The following USP25 variants were observed in gnomAD, a reference collection of about 807,000 sequenced individuals.
The protein encoded by USP25 is ubiquitin carboxyl-terminal hydrolase 25.
A neutral mutation model predicts 158.5 loss-of-function variants in USP25; 85 were observed. The ratio of observed to expected loss-of-function variants is 0.54; its 90% CI spans 0.45 to 0.64. The LOEUF is 0.64. Ranked by LOEUF, USP25 falls within the 30% of genes least tolerant of loss-of-function variation. The pLI is 0.00. For synonymous variants in USP25, 464 were observed against 460.4 expected (o/e 1.01, Z -0.10); for missense variants, 1,242 against 1,327.3 (o/e 0.94, Z 1.00).
chr21:15,777,503 T>G (rs1600877400), intron 3 of USP25, among the ~76,000 whole-genome samples: 1 of 152,280 alleles, frequency 6.6e-6, no homozygotes, highest in African/African-American at 2.4e-5. Flanking sequence ...ATGGTAGTAG[T>G]ATGGACAGAA....
At chr21:15,823,316 A>G (rs1297680333) in intron 10 of USP25, among the ~76,000 whole-genome samples, 1 of 151,660 alleles carries the variant, frequency 6.6e-6, no homozygotes, top group Non-Finnish European at 1.5e-5. Context: ...GTTGAATTTC[A>G]TGCTTAATTG....
intron 3 of USP25, among the ~76,000 whole-genome samples, chr21:15,769,679 G>A (rs1007524499): frequency 1.3e-5 from 2 of 152,094 alleles, no homozygotes; most frequent in African/African-American, 4.8e-5. Flanking sequence ...GGCAAACTCT[G>A]TCATAGACAT....
At chr21:15,838,940 G>C (rs986877026) in intron 17 of USP25, among the ~76,000 whole-genome samples, 5 of 152,142 alleles carry the variant, frequency 3.3e-5, no homozygotes, top group Non-Finnish European at 5.9e-5. Flanking sequence ...AAAAGGAGCA[G>C]ACTCAGAGTT....
At chr21:15,818,107 C>T (rs1357622173) in intron 9 of USP25, among the ~76,000 whole-genome samples, 2 of 152,062 alleles carry the variant, frequency 1.3e-5, no homozygotes, top group Non-Finnish European at 2.9e-5. Flanking sequence ...ACTCTATAGT[C>T]CCCCAGCACT....
chr21:15,871,851 T>C (rs2039895736), intron 23 of USP25, among the ~76,000 whole-genome samples: 1 of 151,818 alleles, frequency 6.6e-6, no homozygotes, highest in South Asian at 2.1e-4. Context: ...TAAAGAAATA[T>C]TGGTGTGTGT....
Position 15,833,481 on chromosome 21 carries a change from G to A in USP25, c.2127G>A (p.Gln709=), listed in dbSNP as rs1568866770. ...AAGAATGGGATGCACAACTTGCCCA[G>A]AAAGCTTTGCAGGAAAAGCTTTTAG... The part of the protein sequence containing the change: ...ELEEWDAQLA[Q]KALQEKLLAS... Residue 709 remains glutamine (Q), a synonymous_variant, in exon 17 of 26, where the codon CAG becomes CAA. Transcript: ENST00000400183. 1 of 1,614,102 alleles carries A rather than the reference G, an allele frequency of 6.2e-7. No individual in the cohort carries two copies. Among genetic ancestry groups the A allele is most frequent in the Non-Finnish European group, 8.5e-7 (1 of 1,179,980 alleles).
chr21:15,774,799 G>T (rs376066797), intron 3 of USP25, among the ~76,000 whole-genome samples: 2 of 152,184 alleles, frequency 1.3e-5, no homozygotes, highest in East Asian at 3.8e-4. Flanking sequence ...CAGTGAGTGT[G>T]TATATTTGTG....
chr21:15,780,612 A>G (rs1434206549), intron 4 of USP25, among the ~76,000 whole-genome samples: 1 of 152,226 alleles, frequency 6.6e-6, no homozygotes, highest in Non-Finnish European at 1.5e-5. Flanking sequence ...TAGACTACAG[A>G]TTCTTTTTTT....
chr21:15,787,904 C>CA (rs1338271428), intron 4 of USP25, among the ~76,000 whole-genome samples: 4 of 131,368 alleles, frequency 3.0e-5, no homozygotes, highest in Non-Finnish European at 6.4e-5. Flanking sequence ...ACCCCCTCAC[C>CA]CCCCCCCCAA....
intron 3 of USP25, among the ~76,000 whole-genome samples, chr21:15,774,585 A>G (rs780895235): frequency 1.7e-4 from 26 of 152,130 alleles, no homozygotes; most frequent in Non-Finnish European, 3.5e-4. Flanking sequence ...ATTGCATTCC[A>G]TGGGAAAAAT....
intron 20 of USP25, among the ~76,000 whole-genome samples, chr21:15,857,813 T>G (rs971911147): frequency 3.9e-5 from 6 of 152,050 alleles, no homozygotes; most frequent in African/African-American, 1.4e-4. Context: ...GCTTTCATGG[T>G]TTTATAATAC....
chr21:15,730,491 CCT>C, intron 1 of USP25, 53 bp downstream of exon 1: 3 of 1,307,696 alleles, frequency 2.3e-6, no homozygotes, highest in South Asian at 4.2e-5. Context: ...GACGGGCTGT[CCT>C]CTCCCGCTGC....
At chr21:15,778,467 A>G (rs1279392871) in intron 4 of USP25, among the ~76,000 whole-genome samples, 2 of 152,154 alleles carry the variant, frequency 1.3e-5, no homozygotes, top group African/African-American at 2.4e-5. Flanking sequence ...GCTGATAAAT[A>G]ATATAATGAG....
chr21:15,814,771 G>A (rs1440743882), intron 9 of USP25, among the ~76,000 whole-genome samples: 1 of 152,102 alleles, frequency 6.6e-6, no homozygotes, highest in African/African-American at 2.4e-5. Flanking sequence ...ATTTTGAAAG[G>A]GAAACAGAGC....
chr21:15,738,779 C>G (rs1381175366), intron 1 of USP25, among the ~76,000 whole-genome samples: 4 of 152,136 alleles, frequency 2.6e-5, no homozygotes, highest in African/African-American at 9.7e-5. Context: ...AAGCAGACAG[C>G]CCAGGGCCAC....
At chr21:15,830,909 A>G (rs1026837911) in intron 15 of USP25, among the ~76,000 whole-genome samples, 1 of 152,154 alleles carries the variant, frequency 6.6e-6, no homozygotes, top group Non-Finnish European at 1.5e-5. Context: ...TCAAAAGGCT[A>G]TAGCATCTTT....
chr21:15,851,726 G>A (rs1174102160), intron 20 of USP25, among the ~76,000 whole-genome samples: 1 of 151,852 alleles, frequency 6.6e-6, no homozygotes, highest in African/African-American at 2.4e-5. Flanking sequence ...GCTGTCCACT[G>A]CTTGTTTAAA....
intron 10 of USP25, among the ~76,000 whole-genome samples, chr21:15,823,648 C>T (rs2037348649): frequency 1.3e-5 from 2 of 151,948 alleles, no homozygotes; most frequent in Non-Finnish European, 2.9e-5. Flanking sequence ...GTTATTTTAT[C>T]ACAGGATTTT....
At chr21:15,830,710 T>C in intron 15 of USP25, 109 bp downstream of exon 15, 1 of 929,546 alleles carries the variant, frequency 1.1e-6, no homozygotes. Context: ...TGTTTTAAAA[T>C]TTTGGCAAAT....
Sources: allele counts gnomAD v4.1 joint callset (sites outside exome capture counted in the v4.1 genomes callset), GRCh38; gene constraint gnomAD v4.1.1; transcripts MANE v1.5; gene names NCBI Gene and HGNC (gene_info 2026-07-23, HGNC 2026-07-21).